Variants in MEI4 observed in about 807,000 individuals in gnomAD.
The protein encoded by MEI4 is meiotic double-stranded break formation protein 4, also known as meiosis-specific protein MEI4.
A neutral mutation model predicts 31.4 loss-of-function variants in MEI4; 27 were observed. The observed-to-expected ratio is 0.86, with a 90% CI of 0.63 to 1.19. The LOEUF is 1.19. MEI4 is among the 50% of genes most tolerant of loss of function. The pLI, the probability that MEI4 is intolerant of heterozygous loss-of-function variation, is 0.00. For synonymous variants in MEI4, 122 were observed against 145.4 expected (o/e 0.84, Z 1.16); for missense variants, 329 against 398.9 (o/e 0.82, Z 1.49).
intron 3 of MEI4, among the ~76,000 whole-genome samples, chr6:77,812,673 G>T (rs769615387): frequency 6.6e-6 from 1 of 152,024 alleles, no homozygotes; most frequent in Non-Finnish European, 1.5e-5. Flanking sequence ...CACGTCTCTG[G>T]TAATTTCCCC....
chr6:77,855,647 G>A (rs1192153627), intron 4 of MEI4, among the ~76,000 whole-genome samples: 1 of 152,152 alleles, frequency 6.6e-6, no homozygotes, highest in African/African-American at 2.4e-5. Context: ...AACCCCTTCT[G>A]TATTGGAAAC....
At chr6:77,692,355 T>C (rs979581742) in intron 2 of MEI4, among the ~76,000 whole-genome samples, 2 of 152,056 alleles carry the variant, frequency 1.3e-5, no homozygotes, top group South Asian at 2.1e-4. Context: ...CTTGAGCTTA[T>C]GTTCACTGAG....
intron 4 of MEI4, among the ~76,000 whole-genome samples, chr6:77,921,299 A>G (rs1286380065): frequency 6.6e-6 from 1 of 151,848 alleles, no homozygotes; most frequent in Non-Finnish European, 1.5e-5. Context: ...AGCCTCTGCT[A>G]TCTATCTTCA....
intron 4 of MEI4, among the ~76,000 whole-genome samples, chr6:77,843,940 C>G (rs1380422881): frequency 6.6e-6 from 1 of 152,046 alleles, no homozygotes; most frequent in Non-Finnish European, 1.5e-5. Context: ...AGCTCTGTTG[C>G]TAATGAGTTT....
chr6:77,865,990 C>T (rs992871452), intron 4 of MEI4, among the ~76,000 whole-genome samples: 1 of 152,148 alleles, frequency 6.6e-6, no homozygotes, highest in African/African-American at 2.4e-5. Flanking sequence ...ACATGATTAT[C>T]TCAATAGATG....
At chr6:77,682,905 G>T (rs1379027748) in intron 1 of MEI4, among the ~76,000 whole-genome samples, 1 of 152,168 alleles carries the variant, frequency 6.6e-6, no homozygotes, top group Non-Finnish European at 1.5e-5. Context: ...TGGGCTCAGT[G>T]GAATTTGGGA....
At chr6:77,737,107 G>T (rs1215697518) in intron 2 of MEI4, among the ~76,000 whole-genome samples, 1 of 152,204 alleles carries the variant, frequency 6.6e-6, no homozygotes, top group African/African-American at 2.4e-5. Context: ...GCTGCATTCT[G>T]TAGGCAGTAA....
intron 3 of MEI4, among the ~76,000 whole-genome samples, chr6:77,801,185 A>G (rs998988500): frequency 6.6e-6 from 1 of 152,206 alleles, no homozygotes; most frequent in Admixed American, 6.5e-5. Flanking sequence ...TTTTTGGTCT[A>G]TTCAGAGATT....
chr6:77,719,467 G>A (rs1435614560), intron 2 of MEI4, among the ~76,000 whole-genome samples: 1 of 49,404 alleles, frequency 2.0e-5, no homozygotes, highest in African/African-American at 1.0e-4. Context: ...CTCTCCCTAG[G>A]CAAATAGGAT....
intron 4 of MEI4, among the ~76,000 whole-genome samples, chr6:77,841,333 A>ATAT: frequency 5.4e-4 from 15 of 27,746 alleles, no homozygotes; most frequent in South Asian, 1.2e-3. Flanking sequence ...ATATATATAT[A>ATAT]TTTTTTTTTT....
intron 3 of MEI4, among the ~76,000 whole-genome samples, chr6:77,802,897 C>T (rs1038174053): frequency 5.9e-5 from 9 of 152,222 alleles, no homozygotes; most frequent in African/African-American, 1.9e-4. Flanking sequence ...CTCTGGCTGC[C>T]CTTAACATTT....
chr6:77,651,337 A>G (rs986338614), upstream of MEI4, among the ~76,000 whole-genome samples: 2 of 152,346 alleles, frequency 1.3e-5, no homozygotes, highest in East Asian at 1.9e-4. Context: ...AGTCTGGAGG[A>G]ATATCTTGGA....
In MEI4 at chr6:77,839,001, A is replaced by G. The variant is rs567953695; in HGVS notation, c.900+9939A>G. On this transcript the variant is annotated intron_variant, in intron 4 of 4. Coordinates refer to ENST00000684080, the MANE Select transcript of MEI4 (RefSeq NM_001322247.2). The stretch of plus-strand genomic sequence containing the variant: ...AAATGAAGGCAAAAAAAACTGCGGA[A>G]TACGTTTCTCATTTTTTCCTTTTTT... Among the ~76,000 whole-genome samples, 7 of 152,242 alleles carry G rather than the reference A, an allele frequency of 4.6e-5. No individual in the cohort carries two copies. In the East Asian group the frequency reaches 1.4e-3, roughly 29 times the overall value.
At chr6:77,739,832 C>T (rs1250147063) in intron 2 of MEI4, among the ~76,000 whole-genome samples, 1 of 151,502 alleles carries the variant, frequency 6.6e-6, no homozygotes, top group Non-Finnish European at 1.5e-5. Flanking sequence ...TATTTCTTGT[C>T]TTCTGCTAGC....
chr6:77,741,096 C>A (rs529888697), intron 2 of MEI4, among the ~76,000 whole-genome samples: 1 of 152,064 alleles, frequency 6.6e-6, no homozygotes, highest in African/African-American at 2.4e-5. Context: ...CAGTACACAT[C>A]TGGATTATGG....
chr6:77,749,208 C>G (rs1447555565), intron 2 of MEI4, among the ~76,000 whole-genome samples: 1 of 152,178 alleles, frequency 6.6e-6, no homozygotes, highest in African/African-American at 2.4e-5. Context: ...CAGAACACCT[C>G]TTCTCCTCCA....
chr6:77,820,881 G>A lies in MEI4; in HGVS notation c.769-8050G>A, dbSNP rs1331020688. Among the ~76,000 whole-genome samples the A allele has an allele frequency of 2.0e-5, 3 of 151,346 alleles. No individual in the cohort carries two copies. Among genetic ancestry groups the A allele is most frequent in the Admixed American group, 6.6e-5 (1 of 15,206 alleles). ...TTCTTCCATTATTTTTTCCCATGTC[G>A]TTTCTTCTCCAGTAGTCTCTCTTAG... On this transcript the variant is annotated intron_variant, in intron 3 of 4. Coordinates refer to ENST00000684080, the MANE Select transcript of MEI4 (RefSeq NM_001322247.2). This position sits in a 1 kb window ranked among gnomAD's most constrained non-coding sequence, Gnocchi z 4.5.
intron 1 of MEI4, among the ~76,000 whole-genome samples, chr6:77,658,364 T>A (rs1328382549): frequency 6.6e-6 from 1 of 152,212 alleles, no homozygotes; most frequent in Non-Finnish European, 1.5e-5. Context: ...AGGCTGTTTT[T>A]ACTCCTTTTG....
At position 77,730,350 on chromosome 6, in the gene MEI4, C is replaced by T. The variant is rs945733030; in HGVS notation, c.233-30780C>T. Among the ~76,000 whole-genome samples the T allele has an allele frequency of 2.0e-5, 3 of 152,100 alleles. 1 individual carries two copies. Among genetic ancestry groups the T allele is most frequent in the Admixed American group, 2.0e-4 (3 of 15,264 alleles). Reference sequence around the variant, plus strand: ...ATGACTTTGACCTTATTCTATAGGGCTGTGTGTGATATTGACATCACAATA... The same window carrying T: ...ATGACTTTGACCTTATTCTATAGGGTTGTGTGTGATATTGACATCACAATA... On this transcript the variant is annotated intron_variant, in intron 2 of 4. Transcript: ENST00000684080.
Sources: gnomAD v4.1 joint callset for allele counts (sites outside exome capture counted in the v4.1 genomes callset) on GRCh38, gnomAD v4.1.1 for gene constraint, Gnocchi (gnomAD v3.1) non-coding constraint, MANE v1.5 for transcripts, NCBI Gene and HGNC (gene_info 2026-07-23, HGNC 2026-07-21) for gene names.